The following HS3ST5 variants were observed in gnomAD, a reference collection of about 807,000 sequenced individuals.
The protein encoded by HS3ST5 is heparan sulfate-glucosamine 3-sulfotransferase 5.
HS3ST5 carries 10 observed loss-of-function variants against 25.4 expected under a neutral mutation model. The observed-to-expected ratio is 0.39, with a 90% CI of 0.24 to 0.67. The LOEUF is 0.67. HS3ST5 is among the 30% of genes least tolerant of loss of function. The pLI is 0.44. For missense variants in HS3ST5, 324 were observed against 420.7 expected (o/e 0.77, Z 2.01); for synonymous variants, 170 against 162.4 (o/e 1.05, Z -0.36).
At chr6:114,174,747 C>T (rs965767414) in intron 2 of HS3ST5, among the ~76,000 whole-genome samples, 6 of 152,112 alleles carry the variant, frequency 3.9e-5, no homozygotes, top group Non-Finnish European at 7.4e-5. Context: ...GTAATCCCAG[C>T]ACTTTGGGAG....
At chr6:114,153,877 A>G (rs1004961837) in intron 3 of HS3ST5, among the ~76,000 whole-genome samples, 2 of 152,208 alleles carry the variant, frequency 1.3e-5, no homozygotes, top group African/African-American at 4.8e-5. Flanking sequence ...AGATGCAGAA[A>G]GGTCAAGATT....
chr6:114,225,634 T>G (rs1782256035), intron 2 of HS3ST5, among the ~76,000 whole-genome samples: 1 of 151,908 alleles, frequency 6.6e-6, no homozygotes, highest in Non-Finnish European at 1.5e-5. Context: ...CACTGCACTT[T>G]AAAAACTCAG....
chr6:114,290,525 C>T (rs865836190), intron 1 of HS3ST5, among the ~76,000 whole-genome samples: 25 of 152,020 alleles, frequency 1.6e-4, no homozygotes, highest in African/African-American at 3.4e-4. Flanking sequence ...ACACAGAAAC[C>T]GGTAATGCCA....
intron 1 of HS3ST5, among the ~76,000 whole-genome samples, chr6:114,311,957 T>C (rs959122706): frequency 6.6e-6 from 1 of 152,258 alleles, no homozygotes. Flanking sequence ...CTTTGAAAGT[T>C]GGTAGTATTT....
chr6:114,216,451 G>T (rs1489018007), intron 2 of HS3ST5, among the ~76,000 whole-genome samples: 2 of 152,096 alleles, frequency 1.3e-5, no homozygotes, highest in Non-Finnish European at 2.9e-5. Context: ...CAATCAGGAG[G>T]CATTCTAGTG....
intron 1 of HS3ST5, among the ~76,000 whole-genome samples, chr6:114,255,547 A>G (rs1442455532): frequency 6.6e-6 from 1 of 152,128 alleles, no homozygotes; most frequent in Non-Finnish European, 1.5e-5. Context: ...TTCCTTATGC[A>G]CTGCCCTAAC....
chr6:114,231,841 TC>T (rs1196451851), intron 1 of HS3ST5, among the ~76,000 whole-genome samples: 1 of 150,370 alleles, frequency 6.7e-6, no homozygotes, highest in East Asian at 2.0e-4. Context: ...CTGGCAGCCA[TC>T]TTGGGATCAT....
At chr6:114,089,403 C>T (rs1335170600) in intron 3 of HS3ST5, among the ~76,000 whole-genome samples, 1 of 152,132 alleles carries the variant, frequency 6.6e-6, no homozygotes, top group Non-Finnish European at 1.5e-5. Context: ...TATGTGTTTT[C>T]AATAATTTTC....
intron 3 of HS3ST5, among the ~76,000 whole-genome samples, chr6:114,119,445 G>T (rs1318752748): frequency 1.3e-5 from 2 of 152,128 alleles, no homozygotes; most frequent in African/African-American, 2.4e-5. Flanking sequence ...GGCAGTGAGG[G>T]GAACTGCAAA....
intron 3 of HS3ST5, among the ~76,000 whole-genome samples, chr6:114,107,704 A>G (rs1353736064): frequency 2.0e-5 from 3 of 152,240 alleles, no homozygotes; most frequent in Non-Finnish European, 4.4e-5. Context: ...CTGTATTTCT[A>G]TATACTAGCA....
At chr6:114,274,316 C>T (rs1773758005) in intron 1 of HS3ST5, among the ~76,000 whole-genome samples, 1 of 152,006 alleles carries the variant, frequency 6.6e-6, no homozygotes. Context: ...TGATGACGGA[C>T]TCAGGAAATA....
intron 2 of HS3ST5, among the ~76,000 whole-genome samples, chr6:114,216,728 T>TAAAA (rs760077446): frequency 1.2e-4 from 11 of 90,164 alleles, no homozygotes; most frequent in Middle Eastern, 7.4e-3. Flanking sequence ...TCGTCCTCCT[T>TAAAA]AAAAAAAAAA....
At chr6:114,234,780 T>C (rs1017629460) in intron 1 of HS3ST5, among the ~76,000 whole-genome samples, 1 of 152,134 alleles carries the variant, frequency 6.6e-6, no homozygotes, top group Non-Finnish European at 1.5e-5. Flanking sequence ...TTTGACAAAA[T>C]TGTGTTTATT....
chr6:114,069,645 A>G (rs2114727638), intron 3 of HS3ST5, among the ~76,000 whole-genome samples: 1 of 151,210 alleles, frequency 6.6e-6, no homozygotes, highest in East Asian at 2.0e-4. Context: ...CAGCCTCTCG[A>G]GTAGCTGGAC....
chr6:114,066,614 C>T lies in HS3ST5; in HGVS notation c.-32-3737G>A, dbSNP rs4945511. On this transcript the variant is annotated intron_variant, in intron 3 of 4. Transcript: ENST00000312719. ...TGCCACTGCACTCCAGCCTGGGTGA[C>T]AGAGCAAGGCTCCGTCTCAAAAACA... Among the ~76,000 whole-genome samples the T allele has an allele frequency of 4.3e-3, 652 of 152,212 alleles. 7 individuals are homozygous for T. Among genetic ancestry groups the T allele is most frequent in the East Asian group, 0.03 (154 of 5,190 alleles).
At chr6:114,269,673 A>G (rs2114696913) in intron 1 of HS3ST5, among the ~76,000 whole-genome samples, 1 of 152,306 alleles carries the variant, frequency 6.6e-6, no homozygotes, top group South Asian at 2.1e-4. Context: ...ATAATGAAAT[A>G]TACAAGAGTC....
intron 3 of HS3ST5, among the ~76,000 whole-genome samples, chr6:114,125,578 G>T (rs1306286394): frequency 5.9e-5 from 9 of 152,162 alleles, no homozygotes; most frequent in Non-Finnish European, 7.4e-5. Context: ...GAAATTGGTA[G>T]TTAGGTAGAG....
intron 2 of HS3ST5, among the ~76,000 whole-genome samples, chr6:114,204,250 A>G (rs1781164408): frequency 6.6e-6 from 1 of 152,206 alleles, no homozygotes; most frequent in Admixed American, 6.5e-5. Flanking sequence ...TGGGAGAGAC[A>G]GTGGTGGGAT....
At chr6:114,246,895 C>G (rs1162690543) in intron 1 of HS3ST5, among the ~76,000 whole-genome samples, 1 of 152,122 alleles carries the variant, frequency 6.6e-6, no homozygotes, top group African/African-American at 2.4e-5. Context: ...AACAAAGAAA[C>G]AAACAGAAAA....
Sources: allele counts gnomAD v4.1 joint callset (sites outside exome capture counted in the v4.1 genomes callset), GRCh38; gene constraint gnomAD v4.1.1; transcripts MANE v1.5; gene names NCBI Gene and HGNC (gene_info 2026-07-23, HGNC 2026-07-21).